Variants in MPP7 observed in about 807,000 individuals in gnomAD.
MPP7 encodes the protein MAGUK p55 scaffold protein 7, also known as MAGUK p55 subfamily member 7.
A neutral mutation model predicts 76.5 loss-of-function variants in MPP7; 60 were observed. The observed-to-expected ratio is 0.78, with a 90% CI of 0.64 to 0.97. The LOEUF is 0.97. Among genes scored for constraint, MPP7 ranks in the 50% least tolerant of loss-of-function variants. MPP7 has a pLI of 0.00. For missense variants in MPP7, 641 were observed against 694.0 expected (o/e 0.92, Z 0.86); for synonymous variants, 237 against 244.5 (o/e 0.97, Z 0.29).
intron 2 of MPP7, among the ~76,000 whole-genome samples, chr10:28,208,635 C>T (rs964156722): frequency 7.9e-5 from 12 of 152,212 alleles, no homozygotes; most frequent in Non-Finnish European, 1.5e-4. Flanking sequence ...ATGCCTCCGC[C>T]TCCTCTTGCA....
intron 3 of MPP7, among the ~76,000 whole-genome samples, chr10:28,154,262 A>C (rs549149120): frequency 2.2e-4 from 33 of 152,262 alleles, no homozygotes; most frequent in African/African-American, 7.9e-4. Flanking sequence ...TAGTAGTTTA[A>C]AGTTTTCTCA....
At position 28,162,354 on chromosome 10, in the gene MPP7, T is replaced by C. The variant is rs117838458; in HGVS notation, c.157-12295A>G. On this transcript the variant is annotated intron_variant, in intron 3 of 16. Transcript: ENST00000683449. ...CCAAATAATATACAGTACAAATTTT[T>C]TTTAATGCATGGTAATAGCAGAGAA... is the stretch of plus-strand genomic sequence containing the variant. Among the ~76,000 whole-genome samples, 1,097 of 152,290 alleles carry C rather than the reference T, an allele frequency of 7.2e-3. 7 individuals carry two copies. The highest frequency in any genetic ancestry group is 8.8e-3 in the Non-Finnish European group (601 of 68,042).
At chr10:28,123,196 A>G (rs1834898891) in intron 8 of MPP7, among the ~76,000 whole-genome samples, 1 of 152,194 alleles carries the variant, frequency 6.6e-6, no homozygotes, top group Non-Finnish European at 1.5e-5. Context: ...GGTTTCCAGT[A>G]TGTTTTCACA....
chr10:28,141,406 A>C (rs1047696281), intron 5 of MPP7, among the ~76,000 whole-genome samples: 2 of 152,184 alleles, frequency 1.3e-5, no homozygotes, highest in African/African-American at 4.8e-5. Flanking sequence ...GAAATTATCT[A>C]TAATTACTAA....
chr10:28,221,533 T>G (rs1838506509), intron 2 of MPP7, among the ~76,000 whole-genome samples: 1 of 152,158 alleles, frequency 6.6e-6, no homozygotes, highest in Admixed American at 6.5e-5. Flanking sequence ...GTTCACCATT[T>G]CAGAAACAAG....
intron 1 of MPP7, among the ~76,000 whole-genome samples, chr10:28,250,442 C>G (rs755308511): frequency 6.6e-6 from 1 of 152,046 alleles, no homozygotes; most frequent in African/African-American, 2.4e-5. Flanking sequence ...CTCTTATATC[C>G]CAGAATTATG....
At chr10:28,296,181 A>G (rs1841031638) in intron 1 of MPP7, among the ~76,000 whole-genome samples, 1 of 152,196 alleles carries the variant, frequency 6.6e-6, no homozygotes, top group African/African-American at 2.4e-5. Flanking sequence ...TCTAGGAAGC[A>G]GCCTTTTAAT....
chr10:28,255,491 T>G (rs1018341290), intron 1 of MPP7, among the ~76,000 whole-genome samples: 17 of 151,780 alleles, frequency 1.1e-4, no homozygotes, highest in African/African-American at 1.4e-4. Flanking sequence ...CTTGGCTCAC[T>G]GCAACCTCCG....
chr10:28,281,472 G>T (rs1840669432), intron 1 of MPP7, among the ~76,000 whole-genome samples: 1 of 152,134 alleles, frequency 6.6e-6, no homozygotes, highest in South Asian at 2.1e-4. Flanking sequence ...TCTGCTCAAA[G>T]AAGGTAGCAG....
rs12244123 is a variant in MPP7 at position 28,123,939 on chromosome 10, A to G, written c.615+92T>C. ...TTCGAACCCTGCACTGCTTAATACA[A>G]ATCCTGTCTATGTCAAACCAAGTCT... On this transcript the variant is annotated intron_variant, in intron 8 of 16. Transcript: ENST00000683449. 3.5e-6 allele frequency: 3 copies of G among 858,818 alleles called. No individual in the cohort carries two copies. In the African/African-American group the frequency reaches 5.0e-5, roughly 14 times the overall value. The allele number at this position is 858,818 out of a possible 1,614,324, so 53.2% of individuals were successfully genotyped here.
intron 2 of MPP7, 150 bp downstream of exon 2, chr10:28,238,418 G>A (rs1447351757): frequency 2.7e-6 from 2 of 743,424 alleles, no homozygotes; most frequent in Non-Finnish European, 4.4e-6. Flanking sequence ...TTACCTAGGA[G>A]GGCATCCCTG....
At chr10:28,112,509 T>G (rs1834536246) in intron 11 of MPP7, among the ~76,000 whole-genome samples, 1 of 152,214 alleles carries the variant, frequency 6.6e-6, no homozygotes, top group South Asian at 2.1e-4. Flanking sequence ...ATGAATATGC[T>G]GTATAAATTT....
intron 1 of MPP7, among the ~76,000 whole-genome samples, chr10:28,282,834 A>G (rs1440672025): frequency 6.6e-6 from 1 of 151,926 alleles, no homozygotes; most frequent in Non-Finnish European, 1.5e-5. Context: ...GACCCCCACA[A>G]CAACAACATA....
chr10:28,122,145 T>C (rs1380681057), intron 8 of MPP7, among the ~76,000 whole-genome samples: 1 of 152,218 alleles, frequency 6.6e-6, no homozygotes, highest in Admixed American at 6.5e-5. Flanking sequence ...ATTACATTGG[T>C]AGAGAGAAAA....
At chr10:28,059,609 AAAAAACAGTCACAT>A (rs1238930231) in intron 14 of MPP7, 27 bp downstream of exon 14, 1 of 1,374,780 alleles carries the variant, frequency 7.3e-7, no homozygotes, top group African/African-American at 1.4e-5. Flanking sequence ...ATGTGCTTAT[AAAAAACAGTCACAT>A]GAAAATTCTC....
At chr10:28,132,454 A>G (rs1176739426) in intron 5 of MPP7, among the ~76,000 whole-genome samples, 1 of 152,056 alleles carries the variant, frequency 6.6e-6, no homozygotes, top group Non-Finnish European at 1.5e-5. Context: ...TTTTAGACAC[A>G]AGGTCTTGCT....
At chr10:28,121,135 C>G (rs559985850) in intron 8 of MPP7, among the ~76,000 whole-genome samples, 148 of 152,140 alleles carry the variant, frequency 9.7e-4, no homozygotes, top group Non-Finnish European at 1.8e-3. Context: ...AAACCCCTGT[C>G]TCTACAAAAA....
chr10:28,330,007 G>C (rs1834457096), intron 1 of MPP7: 1 of 152,130 alleles, frequency 6.6e-6, no homozygotes, highest in Non-Finnish European at 1.5e-5. Flanking sequence ...TTCCTGCTTT[G>C]AGGTAAAATA....
chr10:28,261,662 T>C (rs1342036186), intron 1 of MPP7, among the ~76,000 whole-genome samples: 1 of 145,628 alleles, frequency 6.9e-6, no homozygotes, highest in African/African-American at 2.5e-5. Context: ...CCCTCCAATG[T>C]AGTACAAGAA....
Sources: gnomAD v4.1 joint callset for allele counts (sites outside exome capture counted in the v4.1 genomes callset) on GRCh38, gnomAD v4.1.1 for gene constraint, MANE v1.5 for transcripts, NCBI Gene and HGNC (gene_info 2026-07-23, HGNC 2026-07-21) for gene names.